PLEK: variants seen among roughly 807,000 people sequenced by gnomAD.
PLEK encodes the protein platelet 47 kDa protein.
A neutral mutation model predicts 43.9 loss-of-function variants in PLEK; 25 were observed. The ratio of observed to expected loss-of-function variants is 0.57; its 90% CI spans 0.41 to 0.79. The LOEUF (loss-of-function observed/expected upper bound fraction) is 0.79, where lower values mean the gene tolerates loss of function less well. Ranked by LOEUF, PLEK falls within the 30% of genes least tolerant of loss-of-function variation. The probability of loss-of-function intolerance (pLI) is 0.00; values close to 1 mark genes in which losing one functional copy is unlikely to be tolerated. For missense variants in PLEK, 396 were observed against 413.3 expected (o/e 0.96, Z 0.36); for synonymous variants, 152 against 144.4 (o/e 1.05, Z -0.38).
chr2:68,370,631 A>G (rs1385114304), intron 1 of PLEK, among the ~76,000 whole-genome samples: 1 of 152,136 alleles, frequency 6.6e-6, no homozygotes, highest in Admixed American at 6.5e-5. Context: ...GACTACAGGC[A>G]TGTGCCACCA....
At chr2:68,373,338 C>A (rs1235948196) in intron 1 of PLEK, among the ~76,000 whole-genome samples, 1 of 151,982 alleles carries the variant, frequency 6.6e-6, no homozygotes, top group Non-Finnish European at 1.5e-5. Flanking sequence ...GCATAATGAC[C>A]CTGAATCCCA....
rs1673965254 is a variant in PLEK, at chr2:68,396,416, C to T, written c.*600C>T. The T allele has an allele frequency of 6.6e-6, 1 of 152,106 alleles. No homozygotes were observed. The highest frequency in any genetic ancestry group is 2.4e-5 in the African/African-American group (1 of 41,414). 9.4% of individuals were successfully genotyped at this position (152,106 alleles called of 1,614,324 possible). A position where few individuals can be genotyped will look rare whatever the true frequency, so the allele number is the denominator to read the frequency against. On this transcript the variant is annotated 3_prime_UTR_variant, in exon 9 of 9. Transcript: ENST00000234313. ...ATGAAGGAGGGCTCTCTTCTTTCTT[C>T]CTCATCCTACTCAAAAACTTCCCGA...
At chr2:68,370,263 T>G (rs934185818) in intron 1 of PLEK, among the ~76,000 whole-genome samples, 1 of 152,124 alleles carries the variant, frequency 6.6e-6, no homozygotes. Flanking sequence ...GCCTTCACTT[T>G]GTAGGGAGTG....
rs200549258 is a variant in PLEK at position 68,386,658 on chromosome 2, T to G, written c.629T>G (p.Leu210Arg). 1.9e-6 allele frequency: 3 copies of G among 1,613,778 alleles called. No homozygotes were observed. The East Asian group carries it at 6.7e-5, about 36-fold the overall frequency. ...AVDGTAENPF[L>R]DNPDAFYYFP... Reference sequence around the variant, plus strand: ...GATGGAACTGCTGAAAACCCTTTCCTGGACAACCCTGATGCCTTCTACTAC... The same window carrying G: ...GATGGAACTGCTGAAAACCCTTTCCGGGACAACCCTGATGCCTTCTACTAC... Residue 210 changes from leucine (L) to arginine (R), a missense_variant, in exon 5 of 9, where the codon CTG becomes CGG. Physicochemically the swap from Leu to Arg is moderately radical, Grantham distance 102. Transcript: ENST00000234313.
chr2:68,369,031 C>T (rs1673340481), intron 1 of PLEK, among the ~76,000 whole-genome samples: 1 of 152,210 alleles, frequency 6.6e-6, no homozygotes, highest in African/African-American at 2.4e-5. Flanking sequence ...GAGTTCTTTC[C>T]TGGATCTACC....
At chr2:68,380,607 C>A (rs936921483) in intron 2 of PLEK, 116 bp from the exon 3 acceptor site, 2 of 1,398,030 alleles carry the variant, frequency 1.4e-6, no homozygotes, top group Non-Finnish European at 2.0e-6. Flanking sequence ...CACACCCCAC[C>A]CTGGCATTTG....
chr2:68,385,141 C>T (rs1448587367), intron 4 of PLEK, among the ~76,000 whole-genome samples: 1 of 152,162 alleles, frequency 6.6e-6, no homozygotes, highest in Admixed American at 6.5e-5. Flanking sequence ...TTAATTGACA[C>T]ATAATAGTAC....
At chr2:68,381,195 A>G (rs999257787) in intron 3 of PLEK, among the ~76,000 whole-genome samples, 1 of 152,222 alleles carries the variant, frequency 6.6e-6, no homozygotes, top group Non-Finnish European at 1.5e-5. Context: ...CATAGCCATA[A>G]TAAGTCAGTC....
At chr2:68,381,825 A>G (rs752425075) in intron 3 of PLEK, among the ~76,000 whole-genome samples, 8 of 152,156 alleles carry the variant, frequency 5.3e-5, no homozygotes, top group Non-Finnish European at 7.3e-5. Context: ...AGCTCCAACG[A>G]GGCACCTAGT....
chr2:68,395,785 C>T lies in PLEK; in HGVS notation c.1022C>T (p.Ala341Val), dbSNP rs781070028. 1.9e-6 allele frequency: 3 copies of T among 1,613,656 alleles called. No homozygotes were observed. The highest frequency in any genetic ancestry group is 1.7e-4 in the Middle Eastern group (1 of 6,058). The change falls in exon 9 of 9, where the codon GCC (alanine) becomes GTC (valine). Residue 341 changes from alanine (A) to valine (V), a missense_variant. Physicochemically the swap from Ala to Val is moderately conservative, Grantham distance 64 (BLOSUM62 0). Coordinates refer to ENST00000234313, the MANE Select transcript of PLEK (RefSeq NM_002664.3). ...TPKERTEWIR[A>V]IQMASRTGK is the part of the protein sequence containing the mutation. ...AAGGAGCGCACAGAGTGGATCAGAGCCATCCAGATGGCCTCCCGAACTGGG... is the reference window on the plus strand; with the variant it reads ...AAGGAGCGCACAGAGTGGATCAGAGTCATCCAGATGGCCTCCCGAACTGGG...
At chr2:68,394,235 G>C in intron 8 of PLEK, 59 bp downstream of exon 8, 1 of 939,624 alleles carries the variant, frequency 1.1e-6, no homozygotes, top group Non-Finnish European at 1.8e-6. Flanking sequence ...CCCACACCTG[G>C]ACATCCTGGG....
intron 6 of PLEK, among the ~76,000 whole-genome samples, chr2:68,391,253 A>G (rs1167745922): frequency 6.6e-6 from 1 of 152,134 alleles, no homozygotes; most frequent in African/African-American, 2.4e-5. Context: ...CTTAAAGGGA[A>G]TATGGTGGTT....
At chr2:68,394,223 C>A in intron 8 of PLEK, 47 bp downstream of exon 8, 1 of 1,049,284 alleles carries the variant, frequency 9.5e-7, no homozygotes. Context: ...TCAGACTCCC[C>A]TCCCACACCT....
intron 4 of PLEK, among the ~76,000 whole-genome samples, chr2:68,384,967 T>C (rs1673707368): frequency 6.6e-6 from 1 of 152,364 alleles, no homozygotes; most frequent in African/African-American, 2.4e-5. Flanking sequence ...AAGCCTTTCA[T>C]ACATGAAATT....
chr2:68,371,771 C>T (rs17035375), intron 1 of PLEK, among the ~76,000 whole-genome samples: 52,542 of 151,988 alleles, frequency 0.35, 10,056 homozygotes, highest in East Asian at 0.73. Flanking sequence ...TCTTACACTT[C>T]TCTGTATACA....
chr2:68,374,623 CAG>C (rs1266514441), intron 1 of PLEK, among the ~76,000 whole-genome samples: 7 of 152,274 alleles, frequency 4.6e-5, no homozygotes, highest in Non-Finnish European at 1.0e-4. Flanking sequence ...CAGATAAAGA[CAG>C]AGACATTTCT....
intron 3 of PLEK, among the ~76,000 whole-genome samples, chr2:68,381,252 G>A (rs1451980402): frequency 6.6e-6 from 1 of 152,172 alleles, no homozygotes; most frequent in African/African-American, 2.4e-5. Context: ...AAAAGCAGGG[G>A]CTATGCATCC....
At chr2:68,376,558 A>G (rs1673505136) in intron 1 of PLEK, among the ~76,000 whole-genome samples, 1 of 138,080 alleles carries the variant, frequency 7.2e-6, no homozygotes, top group Non-Finnish European at 1.5e-5. Context: ...TAATCATTTC[A>G]TTATGTCTTA....
chr2:68,367,803 T>G lies in PLEK; in HGVS notation c.42+2410T>G, dbSNP rs979690203. On this transcript the variant is annotated intron_variant, in intron 1 of 8. Transcript: ENST00000234313. ...GGGCCATAAAAATCTTTGAAAAGGC[T>G]CTTAGAAGCCTTGGCTATGGTTTTT... Among the ~76,000 whole-genome samples the G allele has an allele frequency of 2.8e-4, 43 of 152,300 alleles. 1 individual carries two copies. Among genetic ancestry groups the G allele is most frequent in the African/African-American group, 9.9e-4 (41 of 41,578 alleles).
Sources: gnomAD v4.1 joint callset for allele counts (sites outside exome capture counted in the v4.1 genomes callset) on GRCh38, gnomAD v4.1.1 for gene constraint, MANE v1.5 for transcripts, NCBI Gene and HGNC (gene_info 2026-07-23, HGNC 2026-07-21) for gene names.